CNOT9: variants seen among roughly 807,000 people sequenced by gnomAD.
CNOT9 encodes CCR4-NOT transcription complex subunit 9.
CNOT9 carries 8 observed loss-of-function variants against 37.4 expected under a neutral mutation model. That is an observed-to-expected ratio of 0.21 (90% CI 0.13 to 0.39). The LOEUF is 0.39. CNOT9 is among the 10% of genes least tolerant of loss of function. The pLI is 1.00. For synonymous variants in CNOT9, 120 were observed against 137.6 expected (o/e 0.87, Z 0.90); for missense variants, 154 against 365.3 (o/e 0.42, Z 4.71).
intron 1 of CNOT9, among the ~76,000 whole-genome samples, chr2:218,573,115 C>T (rs539067573): frequency 2.3e-4 from 35 of 152,072 alleles, no homozygotes; most frequent in African/African-American, 7.7e-4. Flanking sequence ...GTCAGGAGTT[C>T]GAGACCAGCC....
chr2:218,594,022 A>T, intron 7 of CNOT9, 86 bp from the exon 8 acceptor site: 1 of 1,298,470 alleles, frequency 7.7e-7, no homozygotes, highest in Non-Finnish European at 1.1e-6. Flanking sequence ...CTAAATATTT[A>T]TGTCTAAGAA....
At position 218,592,724 on chromosome 2, in the gene CNOT9, T is replaced by C; in HGVS notation, c.731+17T>C. 6.3e-7 allele frequency: 1 copy of C among 1,593,488 alleles called. No individual in the cohort carries two copies. ...TAACCCCAGGTAAACATTTATAGGA[T>C]GTATAGGACTTTAGGGAAATACTCT... On this transcript the variant is annotated intron_variant, in intron 7 of 7. Coordinates refer to ENST00000273064, the MANE Select transcript of CNOT9 (RefSeq NM_005444.3). The surrounding 1 kb of genome is among the most constrained non-coding windows in gnomAD (Gnocchi z 4.1).
chr2:218,593,519 C>CT, intron 7 of CNOT9: 1 of 1,481,786 alleles, frequency 6.7e-7, no homozygotes, highest in Non-Finnish European at 9.0e-7. Flanking sequence ...TAACATTTAC[C>CT]TTTTTTAGGT....
At chr2:218,593,873 G>T in intron 7 of CNOT9, 1 of 1,174,144 alleles carries the variant, frequency 8.5e-7, no homozygotes, top group Non-Finnish European at 1.1e-6. Context: ...TTTTAATTTT[G>T]CTTTTTCATG....
At chr2:218,581,498 C>G (rs1216802789) in intron 2 of CNOT9, among the ~76,000 whole-genome samples, 1 of 152,022 alleles carries the variant, frequency 6.6e-6, no homozygotes, top group Non-Finnish European at 1.5e-5. Context: ...GGTATAACAG[C>G]TGTAGTATTA....
rs1238897858 is a variant in CNOT9 at position 218,592,440 on chromosome 2, C to T, written c.639+38C>T. 5 of 1,545,928 alleles carry T rather than the reference C, an allele frequency of 3.2e-6. No homozygotes were observed. The highest frequency in any genetic ancestry group is 1.7e-5 in the Admixed American group (1 of 59,902). On this transcript the variant is annotated intron_variant, in intron 6 of 7. Transcript: ENST00000273064. This position sits in a 1 kb window ranked among gnomAD's most constrained non-coding sequence, Gnocchi z 4.1. ...ATCTATCCCCTTTACAACTACTTCT[C>T]ATCACAAAGCTTAATCTCTTTATAA...
chr2:218,585,649 T>A (rs1365787558), intron 4 of CNOT9, among the ~76,000 whole-genome samples: 2 of 151,608 alleles, frequency 1.3e-5, no homozygotes, highest in African/African-American at 2.4e-5. Flanking sequence ...TTTTTTTTTT[T>A]TTTTTTTGAG....
At position 218,592,169 on chromosome 2, in the gene CNOT9, A is replaced by G. The variant is rs1272110914; in HGVS notation, c.541-135A>G. 1.5e-6 allele frequency: 1 copy of G among 649,526 alleles called. No homozygotes were observed. Among genetic ancestry groups the G allele is most frequent in the East Asian group, 2.7e-5 (1 of 37,668 alleles). 40.2% of individuals were successfully genotyped at this position (649,526 alleles called of 1,614,324 possible). A position where few individuals can be genotyped will look rare whatever the true frequency, so the allele number is the denominator to read the frequency against. ...ATTCTTTGTACTATACATATATGATAAAGTTGTACATAATATACAAGGATC... is the reference window on the plus strand; with the variant it reads ...ATTCTTTGTACTATACATATATGATGAAGTTGTACATAATATACAAGGATC... On this transcript the variant is annotated intron_variant, in intron 5 of 7. Transcript: ENST00000273064. The surrounding 1 kb of genome is among the most constrained non-coding windows in gnomAD (Gnocchi z 4.1).
chr2:218,591,741 T>TAA (rs766798627), intron 5 of CNOT9, among the ~76,000 whole-genome samples: 1 of 129,484 alleles, frequency 7.7e-6, no homozygotes, highest in Admixed American at 8.0e-5. Context: ...AGACTCCATC[T>TAA]AAAAAAAAAA....
chr2:218,572,618 G>A, intron 1 of CNOT9: 1 of 931,960 alleles, frequency 1.1e-6, no homozygotes, highest in African/African-American at 1.8e-5. Context: ...GCGACATAGT[G>A]AGACCCTGTC....
chr2:218,583,962 T>C (rs1694501357), intron 3 of CNOT9, among the ~76,000 whole-genome samples: 1 of 152,224 alleles, frequency 6.6e-6, no homozygotes, highest in South Asian at 2.1e-4. Flanking sequence ...ATGTGCTTAT[T>C]AAAGTATAGC....
chr2:218,583,286 T>C (rs569394735), intron 3 of CNOT9, among the ~76,000 whole-genome samples, 200 bp downstream of exon 3: 10 of 135,560 alleles, frequency 7.4e-5, no homozygotes, highest in South Asian at 4.8e-4. Context: ...TCTCTCTCTC[T>C]CCTGGTCTTC....
intron 5 of CNOT9, among the ~76,000 whole-genome samples, chr2:218,588,961 T>C (rs1694688867): frequency 6.6e-6 from 1 of 152,078 alleles, no homozygotes; most frequent in South Asian, 2.1e-4. Context: ...GTCTCTTGGT[T>C]CAACATCAGT....
chr2:218,583,398 A>G (rs895455512), intron 3 of CNOT9, among the ~76,000 whole-genome samples: 1 of 152,138 alleles, frequency 6.6e-6, no homozygotes, highest in Non-Finnish European at 1.5e-5. Context: ...CTGACCTGTT[A>G]TTGACACTAT....
intron 1 of CNOT9, among the ~76,000 whole-genome samples, chr2:218,579,955 A>G (rs1694314618): frequency 6.8e-6 from 1 of 148,018 alleles, no homozygotes; most frequent in Non-Finnish European, 1.5e-5. Flanking sequence ...AGTAGCTGGG[A>G]CTACAGGCAT....
In CNOT9 at chr2:218,592,273, T is replaced by G. The variant is rs1694805562; in HGVS notation, c.541-31T>G. On this transcript the variant is annotated intron_variant, in intron 5 of 7. Transcript: ENST00000273064. The surrounding 1 kb of genome is among the most constrained non-coding windows in gnomAD (Gnocchi z 4.1). ...ATGAGAAGATTAAATCTGAGCAACT[T>G]TATAAACTCTTCGATTTTGTTTTGC... The G allele has an allele frequency of 1.3e-6, 2 of 1,519,696 alleles. No homozygotes were observed. Among genetic ancestry groups the G allele is most frequent in the Admixed American group, 3.4e-5 (2 of 58,480 alleles). The allele number at this position is 1,519,696 out of a possible 1,614,324, so 94.1% of individuals were successfully genotyped here. A position where few individuals can be genotyped will look rare whatever the true frequency, so the allele number is the denominator to read the frequency against.
intron 5 of CNOT9, among the ~76,000 whole-genome samples, chr2:218,588,382 G>A (rs1350913562): frequency 1.3e-5 from 2 of 150,534 alleles, no homozygotes; most frequent in East Asian, 2.0e-4. Flanking sequence ...TCCGCCTCCC[G>A]GGTTCAAGCA....
Position 218,592,889 on chromosome 2 carries a change from G to GT in CNOT9, c.731+185dup, listed in dbSNP as rs1239958466. On this transcript the variant is annotated intron_variant, in intron 7 of 7. Coordinates refer to ENST00000273064, the MANE Select transcript of CNOT9 (RefSeq NM_005444.3). The surrounding 1 kb of genome is among the most constrained non-coding windows in gnomAD (Gnocchi z 4.1). ...AAATGCTGAATTTTAGTAGCCATCAGTTTCATCTTCTCACTGTAACTCTCC... is the reference window on the plus strand; with the variant it reads ...AAATGCTGAATTTTAGTAGCCATCAGTTTTCATCTTCTCACTGTAACTCTCC... The GT allele has an allele frequency of 1.7e-6, 1 of 594,794 alleles. No homozygotes were observed. The highest frequency in any genetic ancestry group is 3.0e-6 in the Non-Finnish European group (1 of 336,804). 36.8% of individuals were successfully genotyped at this position (594,794 alleles called of 1,614,324 possible). A position where few individuals can be genotyped will look rare whatever the true frequency, so the allele number is the denominator to read the frequency against.
chr2:218,584,578 CTG>C, intron 3 of CNOT9, 32 bp from the exon 4 acceptor site: 1 of 1,469,810 alleles, frequency 6.8e-7, no homozygotes, highest in South Asian at 1.1e-5. Flanking sequence ...GAAATCAACC[CTG>C]GGCTGTGAAT....
Sources: gnomAD v4.1 joint callset for allele counts (sites outside exome capture counted in the v4.1 genomes callset) on GRCh38, gnomAD v4.1.1 for gene constraint, Gnocchi (gnomAD v3.1) non-coding constraint, MANE v1.5 for transcripts, NCBI Gene and HGNC (gene_info 2026-07-23, HGNC 2026-07-21) for gene names.